The following HK1 variants were observed in gnomAD, a reference collection of about 807,000 sequenced individuals.
HK1 encodes the protein hexokinase 1.
HK1 carries 28 observed loss-of-function variants against 91.6 expected under a neutral mutation model. The observed-to-expected ratio is 0.31, with a 90% CI of 0.23 to 0.42. The LOEUF (loss-of-function observed/expected upper bound fraction) is 0.42, where lower values mean the gene tolerates loss of function less well. Ranked by LOEUF, HK1 falls within the 10% of genes least tolerant of loss-of-function variation. HK1 has a pLI of 1.00. For missense variants in HK1, 770 were observed against 1,219.8 expected (o/e 0.63, Z 5.49); for synonymous variants, 430 against 468.1 (o/e 0.92, Z 1.05).
chr10:69,383,127 A>C (rs1298794958), intron 10 of HK1, among the ~76,000 whole-genome samples: 1 of 152,122 alleles, frequency 6.6e-6, no homozygotes, highest in Non-Finnish European at 1.5e-5. Flanking sequence ...GCTTGAGCCC[A>C]GGAGTTCAAG....
At chr10:69,376,489 G>A (rs941375644) in intron 7 of HK1, among the ~76,000 whole-genome samples, 27 of 152,262 alleles carry the variant, frequency 1.8e-4, no homozygotes, top group African/African-American at 6.0e-4. Flanking sequence ...GGGCGACAGT[G>A]AGACCCTGTC....
intron 2 of HK1, among the ~76,000 whole-genome samples, chr10:69,284,826 CT>C (rs928097758): frequency 9.9e-5 from 15 of 151,510 alleles, no homozygotes; most frequent in African/African-American, 1.9e-4. Flanking sequence ...TTTCTTTTTT[CT>C]TTTTTTTAAG....
At chr10:69,351,426 T>C (rs549217364) in intron 2 of HK1, among the ~76,000 whole-genome samples, 2 of 151,730 alleles carry the variant, frequency 1.3e-5, no homozygotes, top group South Asian at 4.2e-4. Flanking sequence ...AGAGAATCGC[T>C]TGAACCCCGG....
intron 1 of HK1, among the ~76,000 whole-genome samples, chr10:69,330,919 G>A (rs560815597): frequency 2.9e-4 from 43 of 148,032 alleles, no homozygotes; most frequent in African/African-American, 8.3e-4. Flanking sequence ...TCGCTGTGTC[G>A]CCCAGGCTGG....
intron 1 of HK1, chr10:69,337,976 G>C (rs1366457941): frequency 2.6e-5 from 4 of 154,410 alleles, no homozygotes. Context: ...GTGGGGCTGG[G>C]GTCGGGCACA....
At chr10:69,319,209 A>G in intron 1 of HK1, 199 bp downstream of exon 1, 1 of 681,184 alleles carries the variant, frequency 1.5e-6, no homozygotes, top group Non-Finnish European at 2.5e-6. Context: ...CGTTTTTGGG[A>G]GGGGGGCAAT....
intron 1 of HK1, among the ~76,000 whole-genome samples, chr10:69,342,329 G>A (rs533521849): frequency 7.2e-5 from 11 of 152,224 alleles, no homozygotes; most frequent in Non-Finnish European, 1.6e-4. Flanking sequence ...CGCATGGAAA[G>A]CTGGGATCCA....
intron 3 of HK1, among the ~76,000 whole-genome samples, chr10:69,292,727 T>C (rs578022011): frequency 3.3e-5 from 5 of 152,196 alleles, no homozygotes; most frequent in South Asian, 2.1e-4. Context: ...TTCGTATTTT[T>C]CCCCCAGTTT....
upstream of HK1, chr10:69,316,095 A>C (rs1490927228): frequency 1.7e-6 from 2 of 1,143,374 alleles, no homozygotes; most frequent in Admixed American, 3.4e-5. Flanking sequence ...AGGTGAGTGG[A>C]GAAGGCAGGG....
chr10:69,362,278 AG>A (rs1488015347), intron 3 of HK1, among the ~76,000 whole-genome samples: 1 of 151,816 alleles, frequency 6.6e-6, no homozygotes, highest in African/African-American at 2.4e-5. Context: ...GGATCTTGCC[AG>A]GTTGCCCAGG....
At chr10:69,325,746 A>G (rs543069972) in intron 1 of HK1, among the ~76,000 whole-genome samples, 2 of 151,362 alleles carry the variant, frequency 1.3e-5, no homozygotes, top group Admixed American at 6.6e-5. Flanking sequence ...CATGTTGGCC[A>G]GGCTGGTTTC....
At chr10:69,286,768 G>C (rs1019162036) in intron 2 of HK1, among the ~76,000 whole-genome samples, 1 of 151,930 alleles carries the variant, frequency 6.6e-6, no homozygotes, top group Non-Finnish European at 1.5e-5. Context: ...GGCTGGTCTC[G>C]AACTCCTGAC....
intron 1 of HK1, among the ~76,000 whole-genome samples, chr10:69,276,118 AATAC>A (rs1814885572): frequency 2.6e-5 from 1 of 38,272 alleles, no homozygotes; most frequent in South Asian, 1.6e-3. Flanking sequence ...AAAAAAAAAA[AATAC>A]ATATATATAT....
chr10:69,292,177 C>T (rs929040823), intron 3 of HK1: 7 of 250,276 alleles, frequency 2.8e-5, no homozygotes, highest in Admixed American at 1.0e-4. Flanking sequence ...CTCAACTGAT[C>T]CTCTTGCCTC....
intron 2 of HK1, among the ~76,000 whole-genome samples, chr10:69,354,211 T>C (rs896549316): frequency 1.3e-5 from 2 of 151,468 alleles, no homozygotes; most frequent in Non-Finnish European, 2.9e-5. Context: ...GTTTTTCCTC[T>C]GTGTGTGTCT....
intron 2 of HK1, among the ~76,000 whole-genome samples, chr10:69,357,151 A>G (rs756697203): frequency 1.1e-4 from 17 of 152,224 alleles, no homozygotes; most frequent in Non-Finnish European, 2.1e-4. Flanking sequence ...GAAAAGTTAA[A>G]CATGGGTTAC....
chr10:69,401,595 G>T lies in HK1; in HGVS notation c.*460G>T, dbSNP rs1213555784. On this transcript the variant is annotated 3_prime_UTR_variant, in exon 18 of 18. Coordinates refer to ENST00000359426, the MANE Select transcript of HK1 (RefSeq NM_000188.3). The stretch of plus-strand genomic sequence containing the variant: ...CCGGGGGCACTGCCTGAAGGCGAGT[G>T]TGGGCATAGCATTAGCTGCTTCCTC... 6 of 395,074 alleles carry T rather than the reference G, an allele frequency of 1.5e-5. No homozygotes were observed. The highest frequency in any genetic ancestry group is 9.2e-5 in the South Asian group (5 of 54,462). The allele number at this position is 395,074 out of a possible 1,614,324, so 24.5% of individuals were successfully genotyped here.
At chr10:69,283,789 A>T (rs947458284) in intron 2 of HK1, among the ~76,000 whole-genome samples, 3 of 112,220 alleles carry the variant, frequency 2.7e-5, no homozygotes, top group African/African-American at 1.1e-4. Flanking sequence ...ACAGAGTGAG[A>T]CTCTGTCTCA....
At chr10:69,274,247 C>A (rs1167513449) in intron 1 of HK1, among the ~76,000 whole-genome samples, 2 of 152,080 alleles carry the variant, frequency 1.3e-5, no homozygotes, top group Non-Finnish European at 2.9e-5. Flanking sequence ...AGTTCAAGAC[C>A]AGCCTGGGCA....
Sources: allele counts gnomAD v4.1 joint callset (sites outside exome capture counted in the v4.1 genomes callset), GRCh38; gene constraint gnomAD v4.1.1; transcripts MANE v1.5; gene names NCBI Gene and HGNC (gene_info 2026-07-23, HGNC 2026-07-21).